LONRF3: variants seen among roughly 807,000 people sequenced by gnomAD.
LONRF3 encodes LON peptidase N-terminal domain and ring finger 3.
Under a neutral mutation model 51.7 loss-of-function variants are expected in LONRF3, and 19 were observed. The ratio of observed to expected loss-of-function variants is 0.37; its 90% CI spans 0.26 to 0.54. The LOEUF is 0.54. LONRF3 is among the 20% of genes least tolerant of loss of function. The pLI is 0.86. For missense variants in LONRF3, 521 were observed against 623.9 expected, an observed-to-expected ratio of 0.84 and a Z score of 1.76; for synonymous variants, 265 against 257.8, an observed-to-expected ratio of 1.03 and a Z score of -0.27.
intron 3 of LONRF3, among the ~76,000 whole-genome samples, chrX:118,986,709 G>T (rs1410773203): frequency 3.6e-5 from 4 of 111,627 alleles, no homozygotes; most frequent in Non-Finnish European, 7.5e-5. Flanking sequence ...GGAGTACAAA[G>T]TAGAGACCTA....
At chrX:119,007,976 C>T (rs1019774256) in intron 6 of LONRF3, among the ~76,000 whole-genome samples, 6 of 112,003 alleles carry the variant, frequency 5.4e-5, no homozygotes, top group Non-Finnish European at 1.1e-4. Context: ...GTTTTAGTAT[C>T]AGCAGAGGAG....
intron 2 of LONRF3, among the ~76,000 whole-genome samples, chrX:118,980,024 CAA>C (rs1367794149): frequency 8.9e-6 from 1 of 112,210 alleles, no homozygotes; most frequent in Non-Finnish European, 1.9e-5. Flanking sequence ...TCCTTGTTTG[CAA>C]AATGAAGCTA....
chrX:119,008,632 C>T (rs1173058695), intron 6 of LONRF3, among the ~76,000 whole-genome samples: 1 of 111,818 alleles, frequency 8.9e-6, no homozygotes, highest in African/African-American at 3.3e-5. Flanking sequence ...AGAAGCCAAG[C>T]ATTGGGTTAG....
intron 5 of LONRF3, among the ~76,000 whole-genome samples, chrX:118,994,692 C>T (rs988777038): frequency 1.4e-4 from 16 of 111,610 alleles, no homozygotes; most frequent in Non-Finnish European, 2.6e-4. Context: ...TGAGTCACTG[C>T]ACCCGGCCCA....
At chrX:118,977,058 C>T (rs144692414) in intron 1 of LONRF3, 1,849 of 111,920 alleles carry the variant, frequency 0.017, 19 homozygotes, top group Middle Eastern at 0.032. Flanking sequence ...TGTGAGCTGC[C>T]ACCAGGCTGG....
rs1924695361 is a variant in LONRF3 at position 119,006,252 on chromosome X, T to G, written c.1530+17T>G. 1 of 1,063,192 alleles carries G rather than the reference T, an allele frequency of 9.4e-7. No homozygotes were observed. Among genetic ancestry groups the G allele is most frequent in the African/African-American group, 1.8e-5 (1 of 54,196 alleles). 87.6% of individuals were successfully genotyped at this position (1,063,192 alleles called of 1,213,427 possible). ...CTTTCACAGGTAAATCAATATTTCT[T>G]TCTTGTTTGGTTTAAATCAGTATTT... On this transcript the variant is annotated intron_variant, in intron 6 of 10. Coordinates refer to ENST00000371628, the MANE Select transcript of LONRF3 (RefSeq NM_001031855.3).
intron 9 of LONRF3, among the ~76,000 whole-genome samples, chrX:119,013,790 T>C (rs1256047840): frequency 8.9e-6 from 1 of 111,965 alleles, no homozygotes; most frequent in African/African-American, 3.2e-5. Context: ...GATGACTGAG[T>C]AAATGTGTTT....
chrX:118,994,408 A>AT (rs34083222), intron 5 of LONRF3, among the ~76,000 whole-genome samples: 47,516 of 103,172 alleles, frequency 0.46, 9,331 homozygotes, highest in African/African-American at 0.68. Context: ...GACAAAACAA[A>AT]TTTTTTTTTT....
At chrX:119,005,560 A>G (rs776266152) in intron 5 of LONRF3, among the ~76,000 whole-genome samples, 1 of 112,130 alleles carries the variant, frequency 8.9e-6, no homozygotes, top group Non-Finnish European at 1.9e-5. Context: ...AAAATTATCT[A>G]TATAAAAGGC....
At chrX:118,977,891 C>T (rs2147264250) in intron 1 of LONRF3, among the ~76,000 whole-genome samples, 1 of 111,520 alleles carries the variant, frequency 9.0e-6, no homozygotes, top group Admixed American at 9.5e-5. Flanking sequence ...CTAATGTCAT[C>T]AGTCATTCCC....
intron 3 of LONRF3, chrX:118,987,027 G>A (rs917538701): frequency 1.7e-6 from 2 of 1,151,059 alleles, no homozygotes; most frequent in East Asian, 3.3e-5. Flanking sequence ...AAAGGAAAAC[G>A]TAGAGTCAAT....
At chrX:118,991,284 T>C (rs771693667) in intron 5 of LONRF3, among the ~76,000 whole-genome samples, 6 of 112,127 alleles carry the variant, frequency 5.4e-5, no homozygotes, top group Admixed American at 2.8e-4. Flanking sequence ...TGTGTCACAA[T>C]TGCATTACAT....
intron 3 of LONRF3, among the ~76,000 whole-genome samples, chrX:118,988,042 G>A (rs950491218): frequency 9.0e-6 from 1 of 111,345 alleles, no homozygotes; most frequent in Non-Finnish European, 1.9e-5. Flanking sequence ...CAGACTCCAA[G>A]GCAGAGTTTA....
intron 3 of LONRF3, among the ~76,000 whole-genome samples, chrX:118,986,051 AACACACACACACACACACAC>A (rs35356301): frequency 7.6e-4 from 64 of 83,855 alleles, no homozygotes; most frequent in African/African-American, 2.1e-3. Flanking sequence ...AGTATATGGA[AACACACACACACACACACAC>A]ACACACACAC....
chrX:118,986,875 TG>T (rs1923008900), intron 3 of LONRF3: 4 of 1,102,934 alleles, frequency 3.6e-6, no homozygotes, highest in East Asian at 3.3e-5. Flanking sequence ...CCCCTTCACC[TG>T]GGCACCTGTA....
chrX:119,016,548 C>A (rs961572950), intron 10 of LONRF3, among the ~76,000 whole-genome samples: 6 of 110,677 alleles, frequency 5.4e-5, no homozygotes, highest in Non-Finnish European at 7.6e-5. Flanking sequence ...GGGGTTTCGT[C>A]GTGTTAGCCA....
intron 1 of LONRF3, among the ~76,000 whole-genome samples, chrX:118,976,077 C>G (rs1160853177): frequency 8.8e-6 from 1 of 113,070 alleles, no homozygotes; most frequent in Admixed American, 9.2e-5. Flanking sequence ...CGCACTTGCG[C>G]CCGGTCCTCT....
At chrX:118,979,000 T>C (rs1340064520) in intron 2 of LONRF3, among the ~76,000 whole-genome samples, 1 of 14,267 alleles carries the variant, frequency 7.0e-5, no homozygotes, top group Non-Finnish European at 1.0e-4. Context: ...TTTTCTTTCT[T>C]TTTTTTTTTT....
At chrX:119,000,414 G>A (rs1924188805) in intron 5 of LONRF3, among the ~76,000 whole-genome samples, 1 of 111,989 alleles carries the variant, frequency 8.9e-6, no homozygotes, top group Admixed American at 9.4e-5. Context: ...GTGTAAGTGA[G>A]GACCATTCCA....
Sources: allele counts gnomAD v4.1 joint callset (sites outside exome capture counted in the v4.1 genomes callset), GRCh38; gene constraint gnomAD v4.1.1; transcripts MANE v1.5; gene names NCBI Gene and HGNC (gene_info 2026-07-23, HGNC 2026-07-21).